MILR1: variants seen among roughly 807,000 people sequenced by gnomAD.
The protein encoded by MILR1 is mast cell immunoglobulin like receptor 1.
In MILR1, 31 loss-of-function variants were observed where a neutral mutation model predicts 18.5. The observed-to-expected ratio is 1.68, with a 90% CI of 1.26 to 2.26. The LOEUF is 2.26. Ranked by LOEUF, MILR1 falls within the 30% of genes most tolerant of loss-of-function variation. The probability of loss-of-function intolerance (pLI) is 0.00; values close to 1 mark genes in which losing one functional copy is unlikely to be tolerated. For missense variants in MILR1, 257 were observed against 157.4 expected (o/e 1.63, Z -3.38); for synonymous variants, 85 against 56.2 (o/e 1.51, Z -2.30).
downstream of MILR1, among the ~76,000 whole-genome samples, chr17:64,470,737 C>T (rs981636982): frequency 3.3e-5 from 5 of 152,194 alleles, no homozygotes; most frequent in African/African-American, 9.7e-5. Context: ...CACAGCCTTC[C>T]AGCTGGCTGT....
intron 4 of MILR1, among the ~76,000 whole-genome samples, chr17:64,460,116 C>G (rs1332340873): frequency 6.6e-6 from 1 of 151,646 alleles, no homozygotes; most frequent in Non-Finnish European, 1.5e-5. Context: ...ACCTCCGCCT[C>G]CTGGGTTCAA....
the MILR1 span, among the ~76,000 whole-genome samples, chr17:64,491,351 T>C: frequency 6.6e-6 from 1 of 152,142 alleles, no homozygotes; most frequent in African/African-American, 2.4e-5. Flanking sequence ...TGCCAGCTCT[T>C]TGGGAGGCTG....
At chr17:64,495,134 T>C in the MILR1 span, among the ~76,000 whole-genome samples, 1 of 140,132 alleles carries the variant, frequency 7.1e-6, no homozygotes, top group African/African-American at 2.8e-5. Context: ...GCCGAGATTG[T>C]GCCACTGCAC....
chr17:64,449,922 A>ATTTC (rs1253200155), intron 2 of MILR1, among the ~76,000 whole-genome samples: 73 of 147,696 alleles, frequency 4.9e-4, no homozygotes, highest in South Asian at 1.3e-3. Flanking sequence ...TTTGACCTTA[A>ATTTC]TTTCTTTCTT....
intron 5 of MILR1, among the ~76,000 whole-genome samples, chr17:64,464,011 A>G (rs940216910): frequency 1.0e-4 from 15 of 149,702 alleles, no homozygotes; most frequent in Non-Finnish European, 1.6e-4. Context: ...TTTAGTAGAG[A>G]TGGGGTTTCA....
At chr17:64,481,099 C>T in the MILR1 span, 2 of 180,760 alleles carry the variant, frequency 1.1e-5, no homozygotes, top group South Asian at 3.7e-4. Flanking sequence ...GGGTGTTTAG[C>T]AGCATTCCTG....
downstream of MILR1, among the ~76,000 whole-genome samples, chr17:64,470,390 G>A (rs1465994138): frequency 2.6e-5 from 4 of 152,134 alleles, no homozygotes; most frequent in South Asian, 8.3e-4. Context: ...TATTGCGCCC[G>A]GCAATATGAA....
At chr17:64,477,969 G>C in the MILR1 span, 4 of 1,613,858 alleles carry the variant, frequency 2.5e-6, no homozygotes, top group Non-Finnish European at 3.4e-6. Context: ...ACTGTGAAGA[G>C]AATACTCATT....
chr17:64,495,319 C>T, the MILR1 span, among the ~76,000 whole-genome samples: 1 of 152,078 alleles, frequency 6.6e-6, no homozygotes, highest in South Asian at 2.1e-4. Context: ...GTGGCTCACA[C>T]CTGTAATCCC....
intron 3 of MILR1, among the ~76,000 whole-genome samples, chr17:64,455,016 C>T (rs2037258355): frequency 6.6e-6 from 1 of 151,906 alleles, no homozygotes. Flanking sequence ...AAAAAAAATC[C>T]CAATGATCTT....
At chr17:64,467,020 CTTTCTCTT>C (rs1322066614) in intron 8 of MILR1, among the ~76,000 whole-genome samples, 4 of 135,614 alleles carry the variant, frequency 2.9e-5, no homozygotes, top group South Asian at 5.4e-4. Context: ...CTTTTTCTTT[CTTTCTCTT>C]TCTTTCTTTC....
chr17:64,478,571 T>C, the MILR1 span, among the ~76,000 whole-genome samples: 4 of 152,334 alleles, frequency 2.6e-5, no homozygotes, highest in East Asian at 5.8e-4. Context: ...GTTTATTTAT[T>C]GTCTATTTTG....
the MILR1 span, chr17:64,497,131 G>T: frequency 2.7e-6 from 2 of 734,184 alleles, no homozygotes; most frequent in Non-Finnish European, 4.7e-6. Flanking sequence ...CTGCGTTCCG[G>T]CCGCAGCCGT....
chr17:64,496,969 C>T, the MILR1 span: 1 of 1,604,212 alleles, frequency 6.2e-7, no homozygotes, highest in Non-Finnish European at 8.5e-7. Flanking sequence ...GAGAGCGCAT[C>T]TCTCTCCGAA....
At chr17:64,492,628 A>G in the MILR1 span, 1 of 1,162,426 alleles carries the variant, frequency 8.6e-7, no homozygotes, top group East Asian at 2.4e-5. Flanking sequence ...AAGACAATTT[A>G]TGTATTAACT....
chr17:64,469,353 C>A (rs1598108991), downstream of MILR1, among the ~76,000 whole-genome samples: 1 of 152,142 alleles, frequency 6.6e-6, no homozygotes, highest in Admixed American at 6.5e-5. Flanking sequence ...ACCCATCATG[C>A]ATGTTTAGGG....
chr17:64,494,680 T>C, the MILR1 span, among the ~76,000 whole-genome samples: 14 of 152,184 alleles, frequency 9.2e-5, no homozygotes, highest in Admixed American at 9.2e-4. Flanking sequence ...TTAATATGTA[T>C]CTTAATGTTC....
At position 64,466,728 on chromosome 17, in the gene MILR1, T is replaced by C. The variant is rs1340771980; in HGVS notation, c.979+66T>C. ...ACAGGTGGTCCCTCTGATGTCATTA[T>C]ATTCAGGGGCTTCAGGAGCCCGTTA... On this transcript the variant is annotated intron_variant, in intron 8 of 9. Transcript: ENST00000619286. The C allele has an allele frequency of 4.4e-6, 6 of 1,363,590 alleles. No individual in the cohort carries two copies. The African/African-American group carries it at 5.8e-5, about 13-fold the overall frequency. The allele number at this position is 1,363,590 out of a possible 1,614,324, so 84.5% of individuals were successfully genotyped here. A position where few individuals can be genotyped will look rare whatever the true frequency, so the allele number is the denominator to read the frequency against.
intron 3 of MILR1, among the ~76,000 whole-genome samples, chr17:64,454,053 C>T (rs2037235697): frequency 6.6e-6 from 1 of 151,888 alleles, no homozygotes; most frequent in South Asian, 2.1e-4. Flanking sequence ...CCTCAGCCTC[C>T]CGAGTAGCTA....
Sources: gnomAD v4.1 joint callset for allele counts (sites outside exome capture counted in the v4.1 genomes callset) on GRCh38, gnomAD v4.1.1 for gene constraint, MANE v1.5 for transcripts, NCBI Gene and HGNC (gene_info 2026-07-23, HGNC 2026-07-21) for gene names.